RAD54L2: variants seen among roughly 807,000 people sequenced by gnomAD.
RAD54L2 encodes the protein RAD54 like 2.
Under a neutral mutation model 138.4 loss-of-function variants are expected in RAD54L2, and 27 were observed. That is an observed-to-expected ratio of 0.20 (90% CI 0.14 to 0.27). The LOEUF is 0.27. Among genes scored for constraint, RAD54L2 ranks in the 10% least tolerant of loss-of-function variants. The pLI is 1.00. For missense variants in RAD54L2, 1,396 were observed against 1,890.2 expected, an observed-to-expected ratio of 0.74 and a Z score of 4.85; for synonymous variants, 644 against 723.2, an observed-to-expected ratio of 0.89 and a Z score of 1.76.
At chr3:51,554,832 ATTTCT>A (rs912478048) in intron 2 of RAD54L2, among the ~76,000 whole-genome samples, 139 of 151,802 alleles carry the variant, frequency 9.2e-4, no homozygotes, top group African/African-American at 3.1e-3. Context: ...TCAGACCCTC[ATTTCT>A]TTTCTTTTCT....
At chr3:51,588,695 C>T (rs115271615) in intron 2 of RAD54L2, among the ~76,000 whole-genome samples, 1,665 of 152,156 alleles carry the variant, frequency 0.011, 44 homozygotes, top group African/African-American at 0.037. Context: ...TTTTTACCCT[C>T]ACGAAGGAAT....
chr3:51,580,106 T>A (rs1283161197), intron 2 of RAD54L2, among the ~76,000 whole-genome samples: 1 of 152,132 alleles, frequency 6.6e-6, no homozygotes, highest in South Asian at 2.1e-4. Flanking sequence ...ACCCCCACTT[T>A]AGACACTAGT....
chr3:51,565,378 C>T (rs1699191875), intron 2 of RAD54L2, among the ~76,000 whole-genome samples: 1 of 152,060 alleles, frequency 6.6e-6, no homozygotes, highest in Admixed American at 6.6e-5. Flanking sequence ...ACTCCAGCTG[C>T]CTGGGTGACA....
intron 3 of RAD54L2, among the ~76,000 whole-genome samples, chr3:51,607,547 T>C (rs1577420253): frequency 6.6e-6 from 1 of 152,222 alleles, no homozygotes. Flanking sequence ...TTCTTTCTTT[T>C]CCCCACATTT....
In RAD54L2 at chr3:51,664,817, A is replaced by G. The variant is rs1210993944; in HGVS notation, c.*1397A>G. Reference sequence around the variant, plus strand: ...GAAAGTTGTGATCATGGAGTTTGCAATTGGGAAGTAAGAGACCCCAGATTT... The same window carrying G: ...GAAAGTTGTGATCATGGAGTTTGCAGTTGGGAAGTAAGAGACCCCAGATTT... On this transcript the variant is annotated 3_prime_UTR_variant, in exon 23 of 23. Coordinates refer to ENST00000684192, the MANE Select transcript of RAD54L2 (RefSeq NM_015106.4). 6.6e-6 allele frequency: 1 copy of G among 152,170 alleles called. No homozygotes were observed. The highest frequency in any genetic ancestry group is 1.5e-5 in the Non-Finnish European group (1 of 68,034). The allele number at this position is 152,170 out of a possible 1,614,324, so 9.4% of individuals were successfully genotyped here.
At chr3:51,552,113 A>G (rs1292665840) in intron 2 of RAD54L2, among the ~76,000 whole-genome samples, 1 of 152,180 alleles carries the variant, frequency 6.6e-6, no homozygotes, top group Non-Finnish European at 1.5e-5. Flanking sequence ...TTCTACTTAT[A>G]GAAATGTATG....
chr3:51,661,653 G>A (rs1389523503), intron 22 of RAD54L2, among the ~76,000 whole-genome samples: 1 of 152,162 alleles, frequency 6.6e-6, no homozygotes, highest in East Asian at 1.9e-4. Context: ...GAATGCTCTT[G>A]TTCCCTGCTT....
chr3:51,639,839 G>A, intron 13 of RAD54L2, 42 bp from the exon 14 acceptor site: 1 of 1,511,358 alleles, frequency 6.6e-7, no homozygotes, highest in Non-Finnish European at 9.1e-7. Context: ...CTAGTGATCT[G>A]GCCTTGGACC....
At chr3:51,578,768 G>A (rs1699541233) in intron 2 of RAD54L2, among the ~76,000 whole-genome samples, 1 of 152,168 alleles carries the variant, frequency 6.6e-6, no homozygotes, top group Admixed American at 6.5e-5. Flanking sequence ...AAGCCCTAGA[G>A]GAAGTGTTGC....
intron 3 of RAD54L2, among the ~76,000 whole-genome samples, chr3:51,606,785 C>A (rs1700190454): frequency 6.6e-6 from 1 of 151,902 alleles, no homozygotes; most frequent in Non-Finnish European, 1.5e-5. Flanking sequence ...CGGGTTCACG[C>A]TATTCTCTGG....
intron 2 of RAD54L2, among the ~76,000 whole-genome samples, chr3:51,583,048 AGC>A (rs1284905827): frequency 6.6e-6 from 1 of 152,198 alleles, no homozygotes; most frequent in East Asian, 1.9e-4. Flanking sequence ...TACAGGCATG[AGC>A]CACCATGCCC....
chr3:51,630,193 G>T, intron 5 of RAD54L2, 79 bp from the exon 6 acceptor site: 1 of 1,078,852 alleles, frequency 9.3e-7, no homozygotes, highest in South Asian at 1.3e-5. Context: ...AAAAGAAAAG[G>T]GGTGGTGAAT....
At chr3:51,658,337 A>G (rs1362813920) in intron 21 of RAD54L2, among the ~76,000 whole-genome samples, 1 of 151,968 alleles carries the variant, frequency 6.6e-6, no homozygotes, top group Non-Finnish European at 1.5e-5. Flanking sequence ...ACATACATTT[A>G]CCCACTTGCT....
At chr3:51,618,705 A>G (rs1559638775) in intron 3 of RAD54L2, among the ~76,000 whole-genome samples, 1 of 152,254 alleles carries the variant, frequency 6.6e-6, no homozygotes, top group Non-Finnish European at 1.5e-5. Flanking sequence ...CTGACGCTGT[A>G]ATGACTTGGG....
rs146820236 is a variant in RAD54L2, at chr3:51,601,426, G to C, written c.139+10867G>C. 4.6e-5 allele frequency among the ~76,000 whole-genome samples: 7 copies of C among 151,396 alleles called. No individual in the cohort carries two copies. In the East Asian group the frequency reaches 7.9e-4, roughly 17 times the overall value. ...GGGTTCAAGGAATTCTCCTGCCTCA[G>C]CCTTCTGAGTAGCTGGGGTTACACG... On this transcript the variant is annotated intron_variant, in intron 3 of 22. Coordinates refer to ENST00000684192, the MANE Select transcript of RAD54L2 (RefSeq NM_015106.4).
At chr3:51,556,259 T>C (rs1698961052) in intron 2 of RAD54L2, among the ~76,000 whole-genome samples, 1 of 152,138 alleles carries the variant, frequency 6.6e-6, no homozygotes, top group Non-Finnish European at 1.5e-5. Flanking sequence ...TGCCATTTCC[T>C]TACCAATTGC....
At chr3:51,655,853 T>G in intron 19 of RAD54L2, 118 bp from the exon 20 acceptor site, 1 of 865,656 alleles carries the variant, frequency 1.2e-6, no homozygotes, top group Non-Finnish European at 1.8e-6. Flanking sequence ...CTTCTGATCC[T>G]TCTCTGAGCA....
At chr3:51,573,183 C>G (rs903882551) in intron 2 of RAD54L2, among the ~76,000 whole-genome samples, 36 of 152,122 alleles carry the variant, frequency 2.4e-4, no homozygotes, top group Non-Finnish European at 7.4e-5. Context: ...CAATTTCTAC[C>G]TGCTTGTGGG....
At chr3:51,588,185 CAAAA>C (rs987919898) in intron 2 of RAD54L2, among the ~76,000 whole-genome samples, 3 of 12,712 alleles carry the variant, frequency 2.4e-4, no homozygotes, top group Non-Finnish European at 4.9e-4. Flanking sequence ...GACTCCATCT[CAAAA>C]AAAAAAAAAA....
Sources: allele counts gnomAD v4.1 joint callset (sites outside exome capture counted in the v4.1 genomes callset), GRCh38; gene constraint gnomAD v4.1.1; transcripts MANE v1.5; gene names NCBI Gene and HGNC (gene_info 2026-07-23, HGNC 2026-07-21).